PCCA: variants seen among roughly 807,000 people sequenced by gnomAD.
PCCA encodes the protein propionyl-CoA carboxylase alpha chain, mitochondrial.
PCCA carries 74 observed loss-of-function variants against 101.3 expected under a neutral mutation model. That is an observed-to-expected ratio of 0.73 (90% CI 0.61 to 0.89). The LOEUF is 0.89. Ranked by LOEUF, PCCA falls within the 40% of genes least tolerant of loss-of-function variation. PCCA has a pLI of 0.00. For missense variants in PCCA, 891 were observed against 907.0 expected (o/e 0.98, Z 0.23); for synonymous variants, 294 against 313.6 (o/e 0.94, Z 0.66).
chr13:100,262,336 G>A (rs984234968), intron 9 of PCCA, among the ~76,000 whole-genome samples: 3 of 151,970 alleles, frequency 2.0e-5, no homozygotes, highest in African/African-American at 7.3e-5. Context: ...AGAGGTTGCA[G>A]TGAGCTGAGA....
chr13:100,132,560 T>C (rs1290309927), intron 4 of PCCA, among the ~76,000 whole-genome samples: 3 of 152,246 alleles, frequency 2.0e-5, no homozygotes, highest in Non-Finnish European at 2.9e-5. Context: ...TCCATTTACC[T>C]GTTGAAGGAC....
At chr13:100,443,885 T>C (rs758104061) in intron 20 of PCCA, among the ~76,000 whole-genome samples, 1 of 152,158 alleles carries the variant, frequency 6.6e-6, no homozygotes, top group Non-Finnish European at 1.5e-5. Flanking sequence ...ATGATTGTAG[T>C]GGTGTTTTAC....
At chr13:100,308,374 G>A (rs2066631481) in intron 15 of PCCA, among the ~76,000 whole-genome samples, 1 of 152,078 alleles carries the variant, frequency 6.6e-6, no homozygotes, top group Non-Finnish European at 1.5e-5. Flanking sequence ...ACCCAGGCTG[G>A]AGTGCAGTAT....
At chr13:100,463,344 T>G (rs1444029435) in intron 21 of PCCA, among the ~76,000 whole-genome samples, 1 of 148,640 alleles carries the variant, frequency 6.7e-6, no homozygotes, top group East Asian at 2.0e-4. Flanking sequence ...TGGTTTTTTT[T>G]TTTTTTTTTT....
At chr13:100,264,430 A>G (rs1420756825) in intron 10 of PCCA, among the ~76,000 whole-genome samples, 7 of 152,178 alleles carry the variant, frequency 4.6e-5, no homozygotes, top group Admixed American at 4.6e-4. Context: ...GGCCGCCAAA[A>G]GTAACTGCTG....
chr13:100,221,795 T>G (rs1296118862), intron 7 of PCCA, among the ~76,000 whole-genome samples: 1 of 140,960 alleles, frequency 7.1e-6, no homozygotes, highest in Non-Finnish European at 1.5e-5. Flanking sequence ...TGGAGTGCAG[T>G]GGTGCGATCT....
chr13:100,186,051 C>G (rs1390324160), intron 6 of PCCA, among the ~76,000 whole-genome samples: 1 of 152,198 alleles, frequency 6.6e-6, no homozygotes, highest in Non-Finnish European at 1.5e-5. Flanking sequence ...TCAGTTTTCT[C>G]TTTGATTTCA....
intron 11 of PCCA, among the ~76,000 whole-genome samples, chr13:100,271,075 T>C (rs1373898049): frequency 2.0e-5 from 3 of 151,486 alleles, no homozygotes; most frequent in Non-Finnish European, 4.4e-5. Flanking sequence ...CAATGCTAGC[T>C]AGGGTCACTC....
intron 21 of PCCA, among the ~76,000 whole-genome samples, chr13:100,481,742 G>A (rs1272300846): frequency 6.6e-6 from 1 of 152,044 alleles, no homozygotes; most frequent in Non-Finnish European, 1.5e-5. Context: ...ACACTACTCA[G>A]AATGACTCAC....
rs551856213 is a variant in PCCA at position 100,089,093 on chromosome 13, A to G, written c.-28A>G. On this transcript the variant is annotated 5_prime_UTR_variant, in exon 1 of 24. Coordinates refer to ENST00000376285, the MANE Select transcript of PCCA (RefSeq NM_000282.4). ...ACCCCCTCCGGCTGTGTGAGAGGTC[A>G]GCAGAGGGGCGGTCTGCGGGGACAA... 6.2e-6 allele frequency: 9 copies of G among 1,445,296 alleles called. No individual in the cohort carries two copies. Among genetic ancestry groups the G allele is most frequent in the Admixed American group, 4.9e-5 (2 of 40,566 alleles). The allele number at this position is 1,445,296 out of a possible 1,614,324, so 89.5% of individuals were successfully genotyped here. A position where few individuals can be genotyped will look rare whatever the true frequency, so the allele number is the denominator to read the frequency against.
chr13:100,137,151 T>G (rs930974735), intron 4 of PCCA, among the ~76,000 whole-genome samples: 1 of 152,150 alleles, frequency 6.6e-6, no homozygotes, highest in African/African-American at 2.4e-5. Context: ...TCCAAGCATT[T>G]GGAGATTTTT....
intron 22 of PCCA, among the ~76,000 whole-genome samples, chr13:100,523,167 C>T (rs1409448791): frequency 6.6e-6 from 1 of 152,134 alleles, no homozygotes. Flanking sequence ...AGAAGGTTCT[C>T]TGTCTTTTAA....
chr13:100,341,530 C>T (rs1419190322), intron 18 of PCCA, among the ~76,000 whole-genome samples: 2 of 152,286 alleles, frequency 1.3e-5, no homozygotes, highest in Middle Eastern at 6.8e-3. Flanking sequence ...TCAACTGTTC[C>T]ATAGCCACGC....
At chr13:100,500,001 GAT>G (rs770175824) in intron 21 of PCCA, among the ~76,000 whole-genome samples, 1 of 152,104 alleles carries the variant, frequency 6.6e-6, no homozygotes, top group Non-Finnish European at 1.5e-5. Context: ...AGATGAGAGA[GAT>G]AGTATTTGGA....
At chr13:100,223,369 C>T (rs1007294494) in intron 7 of PCCA, among the ~76,000 whole-genome samples, 5 of 152,022 alleles carry the variant, frequency 3.3e-5, no homozygotes, top group Non-Finnish European at 7.4e-5. Flanking sequence ...TTTCTTCCTT[C>T]TGGTGGGTTC....
intron 17 of PCCA, 104 bp from the exon 18 acceptor site, chr13:100,340,053 G>C: frequency 1.3e-6 from 1 of 751,350 alleles, no homozygotes; most frequent in Non-Finnish European, 2.4e-6. Flanking sequence ...CATAATAGAT[G>C]CCCTATAAAA....
At chr13:100,461,121 G>A (rs947327457) in intron 21 of PCCA, among the ~76,000 whole-genome samples, 1 of 152,214 alleles carries the variant, frequency 6.6e-6, no homozygotes, top group Non-Finnish European at 1.5e-5. Flanking sequence ...AATAATATCA[G>A]ATGGAGTTGT....
At chr13:100,263,102 C>A (rs1029355402) in intron 10 of PCCA, among the ~76,000 whole-genome samples, 11 of 152,136 alleles carry the variant, frequency 7.2e-5, no homozygotes, top group Non-Finnish European at 1.6e-4. Flanking sequence ...AAGTGCCTGA[C>A]CTGGACTCCT....
intron 18 of PCCA, among the ~76,000 whole-genome samples, chr13:100,363,153 C>T (rs2074809996): frequency 6.6e-6 from 1 of 152,072 alleles, no homozygotes; most frequent in Non-Finnish European, 1.5e-5. Context: ...AAAACTTGTA[C>T]TTAACTATTC....
Sources: allele counts gnomAD v4.1 joint callset (sites outside exome capture counted in the v4.1 genomes callset), GRCh38; gene constraint gnomAD v4.1.1; transcripts MANE v1.5; gene names NCBI Gene and HGNC (gene_info 2026-07-23, HGNC 2026-07-21).